The following VIPR1 variants were observed in gnomAD, a reference collection of about 807,000 sequenced individuals.
The protein encoded by VIPR1 is vasoactive intestinal polypeptide receptor 1.
VIPR1 carries 59 observed loss-of-function variants against 58.8 expected under a neutral mutation model. The ratio of observed to expected loss-of-function variants is 1.00; its 90% CI spans 0.81 to 1.25. The LOEUF (loss-of-function observed/expected upper bound fraction) is 1.25, where lower values mean the gene tolerates loss of function less well. Ranked by LOEUF, VIPR1 falls within the 50% of genes most tolerant of loss-of-function variation. The probability of loss-of-function intolerance (pLI) is 0.00; values close to 1 mark genes in which losing one functional copy is unlikely to be tolerated. For synonymous variants in VIPR1, 251 were observed against 242.1 expected (o/e 1.04, Z -0.34); for missense variants, 626 against 602.7 (o/e 1.04, Z -0.40).
upstream of VIPR1, among the ~76,000 whole-genome samples, chr3:42,501,571 G>A (rs1390437301): frequency 3.9e-5 from 6 of 152,244 alleles, no homozygotes; most frequent in African/African-American, 1.4e-4. This position sits in a 1 kb window ranked among gnomAD's most constrained non-coding sequence, Gnocchi z 4.8. Context: ...ACAAGAAGAC[G>A]CGCTCCCAGG....
chr3:42,534,358 T>C (rs1228592035), intron 10 of VIPR1: 1 of 152,310 alleles, frequency 6.6e-6, no homozygotes, highest in Non-Finnish European at 1.5e-5. Context: ...TGTTTCCTAG[T>C]ACGTCTTCTC....
In VIPR1 at chr3:42,525,893, A is replaced by G; in HGVS notation, c.299A>G (p.Asn100Ser). ...GCCCCTGCCCTCCACCCAGGCCGCA[A>G]TGTAAGCCGCAGCTGCACCGACGAA... ...FKLFSSIQGR[N>S]VSRSCTDEGW... The change falls in exon 4 of 13, where the codon AAT becomes AGT. Residue 100 changes from asparagine to serine, a missense_variant. Asn to Ser is a conservative substitution (Grantham distance 46). Coordinates refer to ENST00000325123, the MANE Select transcript of VIPR1 (RefSeq NM_004624.4). 1.2e-6 allele frequency: 2 copies of G among 1,610,180 alleles called. No individual in the cohort carries two copies. Among genetic ancestry groups the G allele is most frequent in the Non-Finnish European group, 1.7e-6 (2 of 1,178,460 alleles).
chr3:42,519,393 C>T, intron 3 of VIPR1, 63 bp downstream of exon 3: 1 of 1,423,130 alleles, frequency 7.0e-7, no homozygotes, highest in Non-Finnish European at 9.5e-7. Flanking sequence ...ACTCACCTCT[C>T]AAGGAAGTGG....
At chr3:42,531,682 A>G in intron 8 of VIPR1, 121 bp from the exon 9 acceptor site, 1 of 1,544,730 alleles carries the variant, frequency 6.5e-7, no homozygotes, top group South Asian at 1.1e-5. Flanking sequence ...GGAGCAACAG[A>G]CTCTGGGCCC....
chr3:42,534,491 A>G (rs1701741795), intron 10 of VIPR1: 2 of 155,272 alleles, frequency 1.3e-5, no homozygotes, highest in Admixed American at 1.3e-4. Flanking sequence ...TACAAATTGG[A>G]AAAACTGAGA....
At chr3:42,535,990 G>A (rs1701820348) in intron 12 of VIPR1, 100 bp from the exon 13 acceptor site, 4 of 1,369,492 alleles carry the variant, frequency 2.9e-6, no homozygotes, top group Non-Finnish European at 3.9e-6. Context: ...TTCCTAAAGA[G>A]AATAAGACTG....
chr3:42,526,811 G>A (rs911863692), intron 4 of VIPR1, among the ~76,000 whole-genome samples: 3 of 152,152 alleles, frequency 2.0e-5, no homozygotes, highest in Non-Finnish European at 4.4e-5. Context: ...CATCAGGAGA[G>A]GGGACCAAGC....
At chr3:42,507,724 A>G (rs1424948619) in intron 1 of VIPR1, among the ~76,000 whole-genome samples, 2 of 152,182 alleles carry the variant, frequency 1.3e-5, no homozygotes, top group Admixed American at 6.5e-5. Context: ...AAACCTTCCA[A>G]GAAGAACCCT....
At chr3:42,504,769 G>C (rs1170612957) in intron 1 of VIPR1, among the ~76,000 whole-genome samples, 2 of 140,292 alleles carry the variant, frequency 1.4e-5, no homozygotes, top group African/African-American at 5.0e-5. Context: ...GGGGTGGGGG[G>C]GCGGGGTGAC....
At chr3:42,490,930 G>A (rs1424110522) in intron 1 of VIPR1, among the ~76,000 whole-genome samples, 1 of 152,172 alleles carries the variant, frequency 6.6e-6, no homozygotes, top group Admixed American at 6.5e-5. Context: ...GAAGAGAGGT[G>A]AAGGATTGTG....
At chr3:42,516,785 C>T (rs1700650978) in intron 2 of VIPR1, 1 of 152,368 alleles carries the variant, frequency 6.6e-6, no homozygotes, top group South Asian at 2.1e-4. Context: ...CGCTTACCAG[C>T]AACATGACCT....
chr3:42,516,797 G>A (rs1055105215), intron 2 of VIPR1: 1 of 152,234 alleles, frequency 6.6e-6, no homozygotes, highest in Non-Finnish European at 1.5e-5. Flanking sequence ...ACATGACCTT[G>A]AGCTGGTTTT....
In VIPR1 at chr3:42,531,481, C is replaced by G; in HGVS notation, c.801C>G (p.Ser267Arg). ...GYILIGWGVP[S>R]TFTMVWTIAR... ...CCCTGGGCCTGACAGGGGTACCCAGCACATTCACCATGGTGTGGACCATCG... is the reference window on the plus strand; with the variant it reads ...CCCTGGGCCTGACAGGGGTACCCAGGACATTCACCATGGTGTGGACCATCG... Residue 267 changes from serine (S) to arginine (R), a missense_variant, in exon 8 of 13, where the codon AGC becomes AGG. Physicochemically the swap from Ser to Arg is moderately radical, Grantham distance 110 (BLOSUM62 -1). Coordinates refer to ENST00000325123, the MANE Select transcript of VIPR1 (RefSeq NM_004624.4). 3 of 1,585,704 alleles carry G rather than the reference C, an allele frequency of 1.9e-6. No individual in the cohort carries two copies. Among genetic ancestry groups the G allele is most frequent in the Non-Finnish European group, 2.6e-6 (3 of 1,164,774 alleles).
Position 42,527,777 on chromosome 3 carries a change from C to T in VIPR1, c.504-214C>T, listed in dbSNP as rs578165208. 1.2e-4 allele frequency: 82 copies of T among 699,606 alleles called. No individual in the cohort carries two copies. In the African/African-American group the frequency reaches 1.2e-3, roughly 10 times the overall value. The allele number at this position is 699,606 out of a possible 1,614,324, so 43.3% of individuals were successfully genotyped here. A position where few individuals can be genotyped will look rare whatever the true frequency, so the allele number is the denominator to read the frequency against. On this transcript the variant is annotated intron_variant, in intron 5 of 12. Transcript: ENST00000325123. ...GGAATGAGGCTTCTGGGGCCACACA[C>T]GAGGTTGAGGCCCTTGGGAGCCCAG...
chr3:42,501,626 C>T (rs1357654270), upstream of VIPR1, among the ~76,000 whole-genome samples: 1 of 152,226 alleles, frequency 6.6e-6, no homozygotes, highest in Non-Finnish European at 1.5e-5. This position sits in a 1 kb window ranked among gnomAD's most constrained non-coding sequence, Gnocchi z 4.8. Flanking sequence ...GACGAATAAA[C>T]GAGAAAAGGG....
At chr3:42,492,681 C>A (rs966729168) in intron 1 of VIPR1, among the ~76,000 whole-genome samples, 5 of 152,220 alleles carry the variant, frequency 3.3e-5, no homozygotes, top group Non-Finnish European at 7.3e-5. Context: ...CACTTCCTGT[C>A]CAGGCATTTG....
chr3:42,499,566 C>T (rs531329781), upstream of VIPR1, among the ~76,000 whole-genome samples: 4 of 152,254 alleles, frequency 2.6e-5, no homozygotes, highest in African/African-American at 9.6e-5. Context: ...AGAGGGGAGA[C>T]TTCAGAACAG....
chr3:42,513,484 C>G, intron 1 of VIPR1: 1 of 409,104 alleles, frequency 2.4e-6, no homozygotes, highest in Non-Finnish European at 4.5e-6. Flanking sequence ...TTGTGCCACC[C>G]GCAAAGAGAC....
At chr3:42,521,799 G>A (rs1471306194) in intron 3 of VIPR1, among the ~76,000 whole-genome samples, 2 of 152,006 alleles carry the variant, frequency 1.3e-5, no homozygotes, top group Non-Finnish European at 2.9e-5. Context: ...CCAGGCTGCA[G>A]TGCAGTGGCA....
Sources: allele counts gnomAD v4.1 joint callset (sites outside exome capture counted in the v4.1 genomes callset), GRCh38; gene constraint gnomAD v4.1.1; non-coding constraint Gnocchi (gnomAD v3.1); transcripts MANE v1.5; gene names NCBI Gene and HGNC (gene_info 2026-07-23, HGNC 2026-07-21).